The following IL1RAPL1 variants were observed in gnomAD, a reference collection of about 807,000 sequenced individuals.
The protein encoded by IL1RAPL1 is interleukin 1 receptor accessory protein like 1.
A neutral mutation model predicts 48.4 loss-of-function variants in IL1RAPL1; 3 were observed. That is an observed-to-expected ratio of 0.06 (90% CI 0.03 to 0.16). The LOEUF (loss-of-function observed/expected upper bound fraction) is 0.16. Ranked by LOEUF, IL1RAPL1 falls within the 10% of genes least tolerant of loss-of-function variation. The pLI is 1.00. For missense variants in IL1RAPL1, 349 were observed against 530.6 expected (o/e 0.66, Z 3.36); for synonymous variants, 185 against 187.7 (o/e 0.99, Z 0.12).
At chrX:29,217,757 TC>T (rs1169831064) in intron 2 of IL1RAPL1, among the ~76,000 whole-genome samples, 8 of 70,986 alleles carry the variant, frequency 1.1e-4, no homozygotes, top group African/African-American at 1.6e-4. Context: ...ATACATTTTT[TC>T]TCTCTCTCTC....
chrX:29,216,146 GTTTC>G (rs763446267), intron 2 of IL1RAPL1, among the ~76,000 whole-genome samples: 12 of 111,422 alleles, frequency 1.1e-4, no homozygotes, highest in South Asian at 3.7e-4. Flanking sequence ...AGGCTTATTT[GTTTC>G]TTTGTTTTTT....
intron 6 of IL1RAPL1, among the ~76,000 whole-genome samples, chrX:29,888,300 C>T (rs766099974): frequency 5.5e-5 from 6 of 108,624 alleles, no homozygotes; most frequent in Admixed American, 9.9e-5. Flanking sequence ...CTCGGCTCAC[C>T]GCAACCTCTG....
chrX:29,632,079 A>G (rs1569132803), intron 5 of IL1RAPL1, among the ~76,000 whole-genome samples: 1 of 111,087 alleles, frequency 9.0e-6, no homozygotes, highest in African/African-American at 3.3e-5. Flanking sequence ...TTCCCATTCA[A>G]TCTCAAAATG....
chrX:29,623,469 A>G (rs1208355517), intron 5 of IL1RAPL1, among the ~76,000 whole-genome samples: 4 of 111,650 alleles, frequency 3.6e-5, no homozygotes, highest in African/African-American at 1.3e-4. Context: ...TATGGTTATA[A>G]AGACATTCTC....
intron 3 of IL1RAPL1, among the ~76,000 whole-genome samples, chrX:29,302,446 C>G (rs890615772): frequency 9.8e-5 from 11 of 111,878 alleles, no homozygotes; most frequent in South Asian, 3.7e-4. Context: ...AGAAGTAAAA[C>G]TTACCTGGAT....
intron 3 of IL1RAPL1, among the ~76,000 whole-genome samples, chrX:29,296,353 TGAA>T (rs1346810475): frequency 9.0e-6 from 1 of 111,402 alleles, no homozygotes; most frequent in Non-Finnish European, 1.9e-5. Context: ...TCTGCTACAC[TGAA>T]GAAGGAGGAC....
chrX:29,134,570 G>T (rs1485446893), intron 2 of IL1RAPL1, among the ~76,000 whole-genome samples: 2 of 111,357 alleles, frequency 1.8e-5, no homozygotes, highest in African/African-American at 6.5e-5. Flanking sequence ...CTCTCAGCAG[G>T]TCTGTGGTTG....
intron 2 of IL1RAPL1, among the ~76,000 whole-genome samples, chrX:29,008,703 A>C (rs940040212): frequency 9.0e-6 from 1 of 110,586 alleles, no homozygotes; most frequent in Non-Finnish European, 1.9e-5. Context: ...TCATGTGTAC[A>C]TGTGCAGGTT....
At position 28,694,610 on chromosome X, in the gene IL1RAPL1, C is replaced by T. The variant is rs757327513; in HGVS notation, c.-24-94710C>T. On this transcript the variant is annotated intron_variant, in intron 1 of 10. Coordinates refer to ENST00000378993, the MANE Select transcript of IL1RAPL1 (RefSeq NM_014271.4). ...ATATGGAGGGCACTGCTGTACCTTT[C>T]GTAGGACAATTCAAAAAAACAAAAT... Among the ~76,000 whole-genome samples the T allele has an allele frequency of 1.2e-4, 13 of 111,575 alleles. No individual in the cohort carries two copies. The East Asian group carries it at 2.2e-3, about 19-fold the overall frequency.
chrX:29,883,450 CAG>C (rs1230710353), intron 6 of IL1RAPL1, among the ~76,000 whole-genome samples: 2 of 110,682 alleles, frequency 1.8e-5, no homozygotes, highest in African/African-American at 6.8e-5. Context: ...ATTTTTAACA[CAG>C]AGAGAGAAGT....
chrX:29,821,468 A>AAAACT (rs1930617153), intron 6 of IL1RAPL1, among the ~76,000 whole-genome samples: 1 of 106,776 alleles, frequency 9.4e-6, no homozygotes, highest in Admixed American at 9.9e-5. Flanking sequence ...AAAATAAAAT[A>AAAACT]AAAATAAAAT....
At chrX:29,226,400 A>AAGCCCCT (rs1170395644) in intron 2 of IL1RAPL1, among the ~76,000 whole-genome samples, 1 of 108,478 alleles carries the variant, frequency 9.2e-6, no homozygotes, top group African/African-American at 3.3e-5. Context: ...TATTCTCATT[A>AAGCCCCT]AGCCCCTAGC....
At chrX:29,102,736 G>A (rs1725220315) in intron 2 of IL1RAPL1, among the ~76,000 whole-genome samples, 1 of 109,243 alleles carries the variant, frequency 9.2e-6, no homozygotes, top group African/African-American at 3.3e-5. Flanking sequence ...AAACACTAAC[G>A]ACTCCACAAA....
chrX:28,613,059 G>T (rs1024724350), intron 1 of IL1RAPL1, among the ~76,000 whole-genome samples: 2 of 111,989 alleles, frequency 1.8e-5, no homozygotes, highest in Non-Finnish European at 1.9e-5. Context: ...GGGTATCACT[G>T]TAAATACTAG....
chrX:29,804,140 T>G (rs1392099645), intron 6 of IL1RAPL1, among the ~76,000 whole-genome samples: 2 of 111,582 alleles, frequency 1.8e-5, no homozygotes, highest in African/African-American at 6.5e-5. Context: ...TGTCTACCAC[T>G]TTTATTTGCA....
intron 5 of IL1RAPL1, among the ~76,000 whole-genome samples, chrX:29,646,396 C>T (rs62586511): frequency 0.017 from 1,904 of 110,093 alleles, 18 homozygotes; most frequent in Non-Finnish European, 0.026. Flanking sequence ...TGAAAATATA[C>T]GGTAAGATGA....
intron 6 of IL1RAPL1, among the ~76,000 whole-genome samples, chrX:29,802,931 A>G (rs1445042442): frequency 1.0e-3 from 55 of 54,444 alleles, no homozygotes; most frequent in Non-Finnish European, 4.9e-4. Context: ...ATATACATAT[A>G]TGTGTACATA....
intron 2 of IL1RAPL1, among the ~76,000 whole-genome samples, chrX:29,233,626 C>T (rs1569265864): frequency 2.7e-5 from 3 of 110,929 alleles, no homozygotes; most frequent in Admixed American, 1.9e-4. Context: ...CTGTTGTACA[C>T]ACCCAGTAAA....
At chrX:29,141,754 T>G (rs771709286) in intron 2 of IL1RAPL1, among the ~76,000 whole-genome samples, 23 of 111,908 alleles carry the variant, frequency 2.1e-4, no homozygotes, top group Middle Eastern at 4.6e-3. Flanking sequence ...TGTTCCATAG[T>G]TCTTTAGCAG....
Sources: allele counts gnomAD v4.1 joint callset (sites outside exome capture counted in the v4.1 genomes callset), GRCh38; gene constraint gnomAD v4.1.1; transcripts MANE v1.5; gene names NCBI Gene and HGNC (gene_info 2026-07-23, HGNC 2026-07-21).